MYH13: variants seen among roughly 807,000 people sequenced by gnomAD.
MYH13 encodes myosin heavy chain 13.
MYH13 carries 177 observed loss-of-function variants against 232.1 expected under a neutral mutation model. That is an observed-to-expected ratio of 0.76 (90% CI 0.67 to 0.86). MYH13 has a LOEUF of 0.86. Among genes scored for constraint, MYH13 ranks in the 40% least tolerant of loss-of-function variants. The probability of loss-of-function intolerance (pLI) is 0.00; values close to 1 mark genes in which losing one functional copy is unlikely to be tolerated. For synonymous variants in MYH13, 884 were observed against 923.5 expected (o/e 0.96, Z 0.78); for missense variants, 2,246 against 2,405.9 (o/e 0.93, Z 1.39).
rs1487576019 is a variant in MYH13, at chr17:10,343,444, C to T, written c.1894+356G>A. Among the ~76,000 whole-genome samples the T allele has an allele frequency of 2.6e-5, 4 of 152,180 alleles. 1 individual carries two copies. The highest frequency in any genetic ancestry group is 4.4e-5 in the Non-Finnish European group (3 of 68,036). ...AACTCCTGACCTCAAGTGATCGGCCCCCGCCTTGGCCTCCCAAAGAGCTGG... is the reference window on the plus strand; with the variant it reads ...AACTCCTGACCTCAAGTGATCGGCCTCCGCCTTGGCCTCCCAAAGAGCTGG... On this transcript the variant is annotated intron_variant, in intron 16 of 40. Transcript: ENST00000252172.
At chr17:10,345,113 GC>G in intron 15 of MYH13, 88 bp downstream of exon 15, 1 of 1,606,880 alleles carries the variant, frequency 6.2e-7, no homozygotes, top group Non-Finnish European at 8.5e-7. Flanking sequence ...GGGGCTAGGG[GC>G]CCCAATCTGT....
chr17:10,365,989 T>A (rs747880304), intron 2 of MYH13, among the ~76,000 whole-genome samples: 2 of 152,026 alleles, frequency 1.3e-5, no homozygotes, highest in Middle Eastern at 3.2e-3. Flanking sequence ...TCTCTTTATG[T>A]ATTTTTTCCT....
chr17:10,343,493 C>T (rs945891879), intron 16 of MYH13, among the ~76,000 whole-genome samples: 3 of 152,158 alleles, frequency 2.0e-5, no homozygotes, highest in Non-Finnish European at 4.4e-5. Context: ...AGCCACCATG[C>T]CTGGCCAAAA....
At chr17:10,344,177 A>C in intron 15 of MYH13, 68 bp from the exon 16 acceptor site, 1 of 1,554,976 alleles carries the variant, frequency 6.4e-7, no homozygotes, top group East Asian at 2.2e-5. Flanking sequence ...GGAGAAGCCA[A>C]AAAACCTTCT....
rs1332274326 is a variant in MYH13 at position 10,306,263 on chromosome 17, TG to T, written c.5466+195del. On this transcript the variant is annotated intron_variant, in intron 37 of 40. Transcript: ENST00000252172. This position sits in a 1 kb window ranked among gnomAD's most constrained non-coding sequence, Gnocchi z 4.3. The stretch of plus-strand genomic sequence containing the variant: ...GTGTGTGTGTGTGTGTGTGTGTGTG[TG>T]TGTGTTTTGGGGCATAGGAACAGGT... Among the ~76,000 whole-genome samples the T allele has an allele frequency of 3.4e-5, 5 of 146,076 alleles. No individual in the cohort carries two copies. Among genetic ancestry groups the T allele is most frequent in the African/African-American group, 1.3e-4 (5 of 39,870 alleles).
chr17:10,328,643 T>A (rs563870846), intron 21 of MYH13, among the ~76,000 whole-genome samples: 1 of 151,818 alleles, frequency 6.6e-6, no homozygotes, highest in South Asian at 2.1e-4. Flanking sequence ...CCTGGTAGAG[T>A]TGATCTGTCT....
intron 22 of MYH13, among the ~76,000 whole-genome samples, chr17:10,326,177 A>AC (rs1907191398): frequency 6.6e-6 from 1 of 152,222 alleles, no homozygotes; most frequent in Non-Finnish European, 1.5e-5. Flanking sequence ...TAACAGAAGC[A>AC]CAAAGAGGAT....
At chr17:10,372,556 C>T (rs1180880639) in intron 1 of MYH13, among the ~76,000 whole-genome samples, 2 of 152,170 alleles carry the variant, frequency 1.3e-5, no homozygotes, top group East Asian at 3.8e-4. Flanking sequence ...CTCCCACAAC[C>T]ATTTTTCAGA....
chr17:10,309,902 T>A, intron 33 of MYH13, 72 bp from the exon 34 acceptor site: 1 of 1,284,692 alleles, frequency 7.8e-7, no homozygotes, highest in Non-Finnish European at 1.0e-6. Context: ...TTCATCCCCA[T>A]ACGATCAAAT....
At chr17:10,359,894 G>T in intron 7 of MYH13, 66 bp downstream of exon 7, 1 of 1,424,184 alleles carries the variant, frequency 7.0e-7, no homozygotes, top group South Asian at 1.2e-5. Context: ...CATACACTTG[G>T]TGCTCATCCA....
In MYH13 at chr17:10,313,251, C is replaced by T. The variant is rs753546519; in HGVS notation, c.4088G>A (p.Arg1363Lys). Residue 1363 changes from arginine to lysine, a missense_variant, in exon 30 of 41, where the codon AGG becomes AAG. Arg to Lys is a conservative substitution (Grantham distance 26). Coordinates refer to ENST00000252172, the MANE Select transcript of MYH13 (RefSeq NM_003802.3). ...CTCACTGTTGGCCTTGGACAGCGCC[C>T]TCTGCAGCTCGGCCTTGGCTTCCTG... Reference protein sequence around the residue: ...EEQEAKAELQRALSKANSEVA... With the variant: ...EEQEAKAELQKALSKANSEVA... The T allele has an allele frequency of 7.4e-6, 12 of 1,614,110 alleles. No homozygotes were observed. The highest frequency in any genetic ancestry group is 8.5e-6 in the Non-Finnish European group (10 of 1,180,066).
rs556643791 is a variant in MYH13 at position 10,301,307 on chromosome 17, A to C, written c.5802+262T>G. Among the ~76,000 whole-genome samples, 9 of 152,188 alleles carry C rather than the reference A, an allele frequency of 5.9e-5. No homozygotes were observed. In the South Asian group the frequency reaches 1.0e-3, roughly 18 times the overall value. Reference sequence around the variant, plus strand: ...GTGTGCAACCAGCAGCAGGAAGGAGAGGATCAACAGTCATCTTCCAAGCTC... The same window carrying C: ...GTGTGCAACCAGCAGCAGGAAGGAGCGGATCAACAGTCATCTTCCAAGCTC... On this transcript the variant is annotated intron_variant, in intron 40 of 40. Transcript: ENST00000252172.
intron 40 of MYH13, among the ~76,000 whole-genome samples, chr17:10,301,359 C>T (rs545396932): frequency 4.6e-5 from 7 of 152,266 alleles, no homozygotes; most frequent in African/African-American, 7.2e-5. Flanking sequence ...GGGACTCCCC[C>T]GGGGCTTGGG....
chr17:10,347,664 T>C (rs986765221), intron 12 of MYH13, among the ~76,000 whole-genome samples: 6 of 151,190 alleles, frequency 4.0e-5, no homozygotes, highest in East Asian at 3.9e-4. Context: ...GGGGCCTGCA[T>C]TGAGCTCATC....
rs1907438941 is a variant in MYH13, at chr17:10,332,367, G to A, written c.2175-145C>T. On this transcript the variant is annotated intron_variant, in intron 19 of 40. Transcript: ENST00000252172. ...TGGTCTGGGAGATGGGAATAGCTAGGGACTGATTCTAGCAAGGGGGCTTGA... is the reference window on the plus strand; with the variant it reads ...TGGTCTGGGAGATGGGAATAGCTAGAGACTGATTCTAGCAAGGGGGCTTGA... 5 of 1,106,354 alleles carry A rather than the reference G, an allele frequency of 4.5e-6. No homozygotes were observed. In the South Asian group the frequency reaches 4.8e-5, roughly 11 times the overall value. The allele number at this position is 1,106,354 out of a possible 1,614,324, so 68.5% of individuals were successfully genotyped here.
rs751207502 is a variant in MYH13, at chr17:10,355,057, A to G, written c.802+27T>C. The G allele has an allele frequency of 4.4e-6, 7 of 1,608,660 alleles. No individual in the cohort carries two copies. The Admixed American group carries it at 5.1e-5, about 12-fold the overall frequency. ...AGATGCTTTTGTGGCCAAAACACCA[A>G]CGGATTTATAGAGTGTTTGGACTCA... On this transcript the variant is annotated intron_variant, in intron 9 of 40. Coordinates refer to ENST00000252172, the MANE Select transcript of MYH13 (RefSeq NM_003802.3).
intron 29 of MYH13, 78 bp from the exon 30 acceptor site, chr17:10,313,432 TC>T: frequency 1.9e-6 from 3 of 1,595,348 alleles, no homozygotes; most frequent in Non-Finnish European, 2.6e-6. Flanking sequence ...TAAATCGCTT[TC>T]CCCCAACTTG....
chr17:10,357,875 A>G lies in MYH13; in HGVS notation c.646-48T>C, dbSNP rs185326653. 4.8e-4 allele frequency: 741 copies of G among 1,545,764 alleles called. 2 individuals carry two copies. The African/African-American group carries it at 8.9e-3, about 19-fold the overall frequency. ...AAAAGAGGACTTTGGATGGTTTTCTAAAGTAGCCCCTTGATGACTAAAACG... is the reference window on the plus strand; with the variant it reads ...AAAAGAGGACTTTGGATGGTTTTCTGAAGTAGCCCCTTGATGACTAAAACG... On this transcript the variant is annotated intron_variant, in intron 7 of 40. Transcript: ENST00000252172.
intron 19 of MYH13, 38 bp from the exon 20 acceptor site, chr17:10,332,260 C>G (rs184419256): frequency 4.3e-6 from 7 of 1,609,934 alleles, no homozygotes; most frequent in Middle Eastern, 1.7e-4. Flanking sequence ...GATTCCAATC[C>G]CCGAAAGGCT....
Sources: allele counts gnomAD v4.1 joint callset (sites outside exome capture counted in the v4.1 genomes callset), GRCh38; gene constraint gnomAD v4.1.1; non-coding constraint Gnocchi (gnomAD v3.1); transcripts MANE v1.5; gene names NCBI Gene and HGNC (gene_info 2026-07-23, HGNC 2026-07-21).